ELMOD2: variants seen among roughly 807,000 people sequenced by gnomAD.
ELMOD2 encodes the protein ELMO domain-containing protein 2.
Under a neutral mutation model 41.0 loss-of-function variants are expected in ELMOD2, and 28 were observed. That is an observed-to-expected ratio of 0.68 (90% confidence interval 0.51 to 0.94). ELMOD2 has a LOEUF of 0.94. ELMOD2 is among the 40% of genes least tolerant of loss of function. The pLI is 0.00. For missense variants in ELMOD2, 333 were observed against 343.1 expected, an observed-to-expected ratio of 0.97 and a Z score of 0.23; for synonymous variants, 106 against 107.2, an observed-to-expected ratio of 0.99 and a Z score of 0.07.
chr4:140,533,437 G>T (rs997263733), intron 3 of ELMOD2, among the ~76,000 whole-genome samples: 3 of 152,026 alleles, frequency 2.0e-5, no homozygotes, highest in African/African-American at 4.8e-5. Flanking sequence ...AATAGTGCTG[G>T]AACAACTGGG....
rs1428989022 is a variant in ELMOD2 at position 140,527,782 on chromosome 4, G to A, written c.171+288G>A. ...AAAGCAGGGCCTTAGGAGGAAAGTCGTCTTTTAGACTGTGTCCTCAGGATA... is the reference window on the plus strand; with the variant it reads ...AAAGCAGGGCCTTAGGAGGAAAGTCATCTTTTAGACTGTGTCCTCAGGATA... On this transcript the variant is annotated intron_variant, in intron 3 of 8. Transcript: ENST00000323570. 1.8e-5 allele frequency: 6 copies of A among 336,456 alleles called. No homozygotes were observed. The Admixed American group carries it at 2.4e-4, about 13-fold the overall frequency. 20.8% of individuals were successfully genotyped at this position (336,456 alleles called of 1,614,324 possible).
intron 6 of ELMOD2, 28 bp from the exon 7 acceptor site, chr4:140,542,546 G>A (rs1455951508): frequency 6.5e-7 from 1 of 1,526,736 alleles, no homozygotes; most frequent in Non-Finnish European, 9.0e-7. Context: ...GCGTACATTT[G>A]TTTGATTATT....
At chr4:140,527,768 T>A (rs533961807) in intron 3 of ELMOD2, 1 of 360,974 alleles carries the variant, frequency 2.8e-6, no homozygotes, top group African/African-American at 2.1e-5. Flanking sequence ...AAGCAGGGCC[T>A]TAGGAGGAAA....
At chr4:140,530,560 G>A (rs889173206) in intron 3 of ELMOD2, among the ~76,000 whole-genome samples, 1 of 152,064 alleles carries the variant, frequency 6.6e-6, no homozygotes, top group African/African-American at 2.4e-5. Flanking sequence ...CACTTGAAAA[G>A]TAAACATTAA....
rs1384589412 is a variant in ELMOD2, at chr4:140,551,457, G to C, written c.*1082G>C. The C allele has an allele frequency of 1.3e-5, 2 of 151,974 alleles. No individual in the cohort carries two copies. The highest frequency in any genetic ancestry group is 2.9e-5 in the Non-Finnish European group (2 of 67,920). 9.4% of individuals were successfully genotyped at this position (151,974 alleles called of 1,614,324 possible). On this transcript the variant is annotated 3_prime_UTR_variant, in exon 9 of 9. Coordinates refer to ENST00000323570, the MANE Select transcript of ELMOD2 (RefSeq NM_153702.4). ...ATAGCTTGAAGATGACTTGATGACT[G>C]TGCATTTTATATAGTTTTATTCTCC... is the stretch of plus-strand genomic sequence containing the variant.
At chr4:140,525,688 A>G (rs1048600358) in intron 2 of ELMOD2, 118 bp downstream of exon 2, 12 of 1,160,780 alleles carry the variant, frequency 1.0e-5, no homozygotes, top group Non-Finnish European at 1.4e-5. Context: ...ACTGAATTTC[A>G]TAAGCTCTGA....
In ELMOD2 at chr4:140,550,114, G is replaced by A; in HGVS notation, c.737-116G>A. 3.4e-6 allele frequency: 3 copies of A among 870,498 alleles called. 1 individual carries two copies. Among genetic ancestry groups the A allele is most frequent in the Non-Finnish European group, 1.7e-6 (1 of 574,998 alleles). The allele number at this position is 870,498 out of a possible 1,614,324, so 53.9% of individuals were successfully genotyped here. On this transcript the variant is annotated intron_variant, in intron 8 of 8. Transcript: ENST00000323570. ...TTCTAATAGTTTTGAGATTACTTTT[G>A]ATTATTGTATTCTAATATGGAATTT...
chr4:140,535,936 C>A, intron 4 of ELMOD2, 106 bp downstream of exon 4: 2 of 997,980 alleles, frequency 2.0e-6, no homozygotes, highest in South Asian at 3.6e-5. Context: ...TTGTGGAGAT[C>A]ATCTGATTCA....
chr4:140,543,691 C>T (rs562649947), intron 8 of ELMOD2, 105 bp downstream of exon 8: 17 of 923,814 alleles, frequency 1.8e-5, no homozygotes, highest in African/African-American at 1.2e-4. Flanking sequence ...AAGTATATAA[C>T]TTATGTTTAT....
At chr4:140,535,133 T>TCTCTC (rs1734872100) in intron 3 of ELMOD2, among the ~76,000 whole-genome samples, 1 of 74,336 alleles carries the variant, frequency 1.3e-5, no homozygotes, top group Non-Finnish European at 3.0e-5. Context: ...GGAAATCTGT[T>TCTCTC]TCTTTCTCTC....
rs1662063448 is a variant in ELMOD2, at chr4:140,527,569, CT to C, written c.171+76del. ...TTTTTCTTAAAAAAAAAAAAGTGCC[CT>C]GCTAGAAGAGTGTTTTCTATAGTGA... On this transcript the variant is annotated intron_variant, in intron 3 of 8. Coordinates refer to ENST00000323570, the MANE Select transcript of ELMOD2 (RefSeq NM_153702.4). 1.8e-5 allele frequency: 21 copies of C among 1,197,532 alleles called. 1 individual carries two copies. The South Asian group carries it at 2.9e-4, about 17-fold the overall frequency. 74.2% of individuals were successfully genotyped at this position (1,197,532 alleles called of 1,614,324 possible). A position where few individuals can be genotyped will look rare whatever the true frequency, so the allele number is the denominator to read the frequency against.
intron 3 of ELMOD2, among the ~76,000 whole-genome samples, chr4:140,529,259 A>G (rs1293440105): frequency 6.6e-6 from 1 of 152,208 alleles, no homozygotes; most frequent in South Asian, 2.1e-4. Context: ...GTTGTGGATC[A>G]TAACTGCTTT....
chr4:140,541,112 A>G (rs1245129040), intron 6 of ELMOD2, among the ~76,000 whole-genome samples: 1 of 152,228 alleles, frequency 6.6e-6, no homozygotes, highest in Non-Finnish European at 1.5e-5. Context: ...TGAAGTCACA[A>G]TTGATAGACA....
chr4:140,540,235 G>T lies in ELMOD2; in HGVS notation c.467G>T (p.Gly156Val). The T allele has an allele frequency of 1.2e-6, 2 of 1,614,162 alleles. No homozygotes were observed. The highest frequency in any genetic ancestry group is 1.7e-6 in the Non-Finnish European group (2 of 1,180,022). ...ARISKQWAEI[G>V]FQGDDPKTDF... The stretch of plus-strand genomic sequence containing the variant: ...ATCTCCAAGCAGTGGGCTGAAATTG[G>T]TTTTCAGGGTGATGATCCCAAGACA... The change falls in exon 6 of 9, where the codon GGT becomes GTT. Residue 156 changes from glycine (G) to valine (V), a missense_variant. Physicochemically the swap from Gly to Val is moderately radical, Grantham distance 109 (BLOSUM62 -3). Transcript: ENST00000323570.
intron 4 of ELMOD2, among the ~76,000 whole-genome samples, chr4:140,536,668 G>A (rs1734936774): frequency 6.6e-6 from 1 of 152,200 alleles, no homozygotes; most frequent in African/African-American, 2.4e-5. Context: ...ACTGAAGGAT[G>A]TAGATGTTGT....
chr4:140,526,390 A>G (rs1436210493), intron 2 of ELMOD2, among the ~76,000 whole-genome samples: 1 of 152,156 alleles, frequency 6.6e-6, no homozygotes. Context: ...TGAAAATTTT[A>G]CTCTAAAATT....
chr4:140,526,398 A>G (rs2110814412), intron 2 of ELMOD2, among the ~76,000 whole-genome samples: 1 of 152,344 alleles, frequency 6.6e-6, no homozygotes, highest in South Asian at 2.1e-4. Context: ...TTACTCTAAA[A>G]TTTGAACACA....
rs1374396476 is a variant in ELMOD2, at chr4:140,540,155, T to C, written c.400-13T>C. The C allele has an allele frequency of 4.3e-6, 7 of 1,609,280 alleles. No individual in the cohort carries two copies. Among genetic ancestry groups the C allele is most frequent in the Non-Finnish European group, 5.9e-6 (7 of 1,178,124 alleles). On this transcript the variant is annotated splice_polypyrimidine_tract_variant and intron_variant, in intron 5 of 8. Transcript: ENST00000323570. Reference sequence around the variant, plus strand: ...AAAGAAAATGTCTTAATAATGGAAATATATTTGTACAGCTTTGGAATCTTC... The same window carrying C: ...AAAGAAAATGTCTTAATAATGGAAACATATTTGTACAGCTTTGGAATCTTC...
intron 4 of ELMOD2, among the ~76,000 whole-genome samples, chr4:140,536,604 C>T (rs973503615): frequency 6.6e-6 from 1 of 152,060 alleles, no homozygotes; most frequent in Non-Finnish European, 1.5e-5. Context: ...AGAGTAGTGG[C>T]TGGAGAAATG....
Sources: allele counts gnomAD v4.1 joint callset (sites outside exome capture counted in the v4.1 genomes callset), GRCh38; gene constraint gnomAD v4.1.1; transcripts MANE v1.5; gene names NCBI Gene and HGNC (gene_info 2026-07-23, HGNC 2026-07-21).